The following NFATC1 variants were observed in gnomAD, a reference collection of about 807,000 sequenced individuals.
The protein encoded by NFATC1 is nuclear factor of activated T cells 1, also known as nuclear factor of activated T-cells, cytoplasmic 1.
A neutral mutation model predicts 76.0 loss-of-function variants in NFATC1; 22 were observed. The observed-to-expected ratio is 0.29, with a 90% CI of 0.21 to 0.41. The LOEUF (loss-of-function observed/expected upper bound fraction) is 0.41. Among genes scored for constraint, NFATC1 ranks in the 10% least tolerant of loss-of-function variants. The pLI is 1.00. For synonymous variants in NFATC1, 704 were observed against 613.1 expected (o/e 1.15, Z -2.19); for missense variants, 1,357 against 1,337.7 (o/e 1.01, Z -0.23).
chr18:79,513,740 T>G (rs1600975925), intron 9 of NFATC1, among the ~76,000 whole-genome samples: 1 of 152,118 alleles, frequency 6.6e-6, no homozygotes, highest in Non-Finnish European at 1.5e-5. Context: ...CTGCCGGGGG[T>G]GTGTGGCCTG....
chr18:79,497,489 C>T (rs1380426057), intron 9 of NFATC1: 1 of 152,206 alleles, frequency 6.6e-6, no homozygotes, highest in Non-Finnish European at 1.5e-5. Context: ...TCATGGAGCT[C>T]CTGGAAAAGG....
chr18:79,451,236 TC>T, intron 5 of NFATC1, 110 bp downstream of exon 5: 1 of 1,332,602 alleles, frequency 7.5e-7, no homozygotes, highest in Non-Finnish European at 1.0e-6. Flanking sequence ...ACTGAACGGT[TC>T]CCACCAAACC....
At chr18:79,400,364 T>TCCCGCC (rs1568908048) in intron 1 of NFATC1, 2 of 1,185,416 alleles carry the variant, frequency 1.7e-6, no homozygotes, top group South Asian at 1.8e-5. Context: ...CGACCCCGGC[T>TCCCGCC]CCCGCCCCGG....
chr18:79,500,949 ACT>A (rs2089999671), intron 9 of NFATC1, among the ~76,000 whole-genome samples: 1 of 152,178 alleles, frequency 6.6e-6, no homozygotes, highest in South Asian at 2.1e-4. Context: ...TACTCCACAA[ACT>A]CTTCAGAAAA....
intron 1 of NFATC1, among the ~76,000 whole-genome samples, chr18:79,396,685 G>A (rs2085016248): frequency 1.3e-5 from 2 of 152,328 alleles, no homozygotes; most frequent in South Asian, 4.1e-4. Context: ...GACCACAGAG[G>A]GCACGTGGGA....
intron 1 of NFATC1, chr18:79,402,318 A>G (rs1288762525): frequency 4.1e-6 from 4 of 985,394 alleles, no homozygotes; most frequent in East Asian, 1.1e-4. Context: ...GGCATCGGAT[A>G]TGGGGACCCT....
intron 6 of NFATC1, among the ~76,000 whole-genome samples, chr18:79,455,128 C>T (rs560856066): frequency 5.9e-5 from 9 of 152,356 alleles, no homozygotes; most frequent in African/African-American, 2.2e-4. Context: ...AGCCAGTTCT[C>T]GATGCTGGAG....
rs184784901 is a variant in NFATC1 at position 79,420,888 on chromosome 18, A to C, written c.1226+9387A>C. The C allele has an allele frequency of 5.7e-4, 85 of 149,356 alleles. 2 individuals carry two copies. The highest frequency in any genetic ancestry group is 1.0e-3 in the Non-Finnish European group (68 of 66,314). 9.3% of individuals were successfully genotyped at this position (149,356 alleles called of 1,614,324 possible). A position where few individuals can be genotyped will look rare whatever the true frequency, so the allele number is the denominator to read the frequency against. Reference sequence around the variant, plus strand: ...GAGAGGAAGAGGAAGATGCTTTTCCAGGCGACGTTGCTGCAGAGAGGAAGA... The same window carrying C: ...GAGAGGAAGAGGAAGATGCTTTTCCCGGCGACGTTGCTGCAGAGAGGAAGA... On this transcript the variant is annotated intron_variant, in intron 2 of 9. Coordinates refer to ENST00000427363, the MANE Select transcript of NFATC1 (RefSeq NM_001278669.2).
At chr18:79,463,426 C>T (rs60884900) in intron 7 of NFATC1, among the ~76,000 whole-genome samples, 6,256 of 131,406 alleles carry the variant, frequency 0.048, 308 homozygotes, top group African/African-American at 0.087. Context: ...CTGTACCGGC[C>T]TCTCCTCCCC....
intron 3 of NFATC1, among the ~76,000 whole-genome samples, chr18:79,441,497 C>T (rs942548797): frequency 3.3e-5 from 5 of 152,074 alleles, no homozygotes; most frequent in African/African-American, 1.2e-4. Context: ...GGCTGCTTGC[C>T]GGTCCTCAGG....
intron 9 of NFATC1, among the ~76,000 whole-genome samples, chr18:79,518,290 A>T (rs531449085): frequency 1.3e-5 from 2 of 152,272 alleles, no homozygotes; most frequent in Non-Finnish European, 2.9e-5. Context: ...GGCACAGTCA[A>T]TTCTTTGAGA....
At chr18:79,407,328 GGT>G (rs944423015) in intron 1 of NFATC1, among the ~76,000 whole-genome samples, 13 of 152,190 alleles carry the variant, frequency 8.5e-5, no homozygotes, top group Non-Finnish European at 1.6e-4. Flanking sequence ...TCCTGGGGAT[GGT>G]GTGTGTGTCC....
chr18:79,427,891 T>TGGACGGCTGGCCTCTGTGCAGGGGGG (rs2086446944), intron 2 of NFATC1, among the ~76,000 whole-genome samples: 1 of 54,530 alleles, frequency 1.8e-5, no homozygotes. Flanking sequence ...GTGCAGTGAG[T>TGGACGGCTGGCCTCTGTGCAGGGGGG]CGGGGAGGGG....
chr18:79,422,041 A>G (rs1448062160), intron 2 of NFATC1: 1 of 152,194 alleles, frequency 6.6e-6, no homozygotes, highest in Non-Finnish European at 1.5e-5. Flanking sequence ...TATTTGTTGT[A>G]GCTCCAAGTA....
chr18:79,503,404 G>A (rs2145144469), intron 9 of NFATC1, among the ~76,000 whole-genome samples: 2 of 152,350 alleles, frequency 1.3e-5, no homozygotes, highest in South Asian at 4.1e-4. Flanking sequence ...AAAAAACAGT[G>A]TTTGTACCTG....
At chr18:79,417,422 T>G (rs1287069107) in intron 2 of NFATC1, among the ~76,000 whole-genome samples, 1 of 17,544 alleles carries the variant, frequency 5.7e-5, no homozygotes, top group Admixed American at 5.7e-4. Context: ...TGGGCTGTGG[T>G]GGGAGATGGG....
At chr18:79,436,625 A>G (rs900843747) in intron 3 of NFATC1, among the ~76,000 whole-genome samples, 10 of 152,234 alleles carry the variant, frequency 6.6e-5, no homozygotes, top group South Asian at 2.1e-4. Context: ...AGCAGAACGC[A>G]GCACCTTCTC....
chr18:79,463,618 C>T (rs1485835246), intron 7 of NFATC1, among the ~76,000 whole-genome samples: 1 of 152,250 alleles, frequency 6.6e-6, no homozygotes, highest in Admixed American at 6.5e-5. Flanking sequence ...TGCCAGGCCT[C>T]CCCACCTACT....
intron 9 of NFATC1, among the ~76,000 whole-genome samples, chr18:79,488,542 A>AGATGTCGT (rs1316423143): frequency 6.6e-6 from 1 of 152,142 alleles, no homozygotes; most frequent in Non-Finnish European, 1.5e-5. Flanking sequence ...TGTCCTGTGC[A>AGATGTCGT]GATGTCGTCC....
Sources: gnomAD v4.1 joint callset for allele counts (sites outside exome capture counted in the v4.1 genomes callset) on GRCh38, gnomAD v4.1.1 for gene constraint, MANE v1.5 for transcripts, NCBI Gene and HGNC (gene_info 2026-07-23, HGNC 2026-07-21) for gene names.